Variants in PDE4D observed in about 807,000 individuals in gnomAD.
The protein encoded by PDE4D is 3',5'-cyclic-AMP phosphodiesterase 4D.
In PDE4D, 24 loss-of-function variants were observed where a neutral mutation model predicts 87.4. That is an observed-to-expected ratio of 0.27 (90% CI 0.20 to 0.39). The LOEUF is 0.39. PDE4D is among the 10% of genes least tolerant of loss of function. The pLI, the probability that PDE4D is intolerant of heterozygous loss-of-function variation, is 1.00. For missense variants in PDE4D, 714 were observed against 1,041.0 expected (o/e 0.69, Z 4.32); for synonymous variants, 384 against 383.2 (o/e 1.00, Z -0.02).
intron 1 of PDE4D, among the ~76,000 whole-genome samples, chr5:59,339,909 A>G (rs139169967): frequency 0.011 from 1,672 of 152,266 alleles, 11 homozygotes; most frequent in Non-Finnish European, 0.017. Flanking sequence ...TCCCCTAGAA[A>G]AATTTAGTGG....
intron 3 of PDE4D, among the ~76,000 whole-genome samples, chr5:59,967,776 A>G (rs1015960565): frequency 5.3e-5 from 8 of 152,088 alleles, no homozygotes; most frequent in African/African-American, 1.7e-4. Flanking sequence ...AAATAATTCT[A>G]CTAAAAAGAC....
intron 1 of PDE4D, among the ~76,000 whole-genome samples, chr5:59,879,899 T>C (rs154144): frequency 0.44 from 67,222 of 151,868 alleles, 18,889 homozygotes; most frequent in African/African-American, 0.8. Context: ...CACCACCACG[T>C]CCAGCTAATT....
intron 1 of PDE4D, among the ~76,000 whole-genome samples, chr5:60,499,393 T>G (rs2150244189): frequency 6.6e-6 from 1 of 152,300 alleles, no homozygotes; most frequent in South Asian, 2.1e-4. Context: ...TTTCATGAAC[T>G]TTCATTGAGA....
intron 2 of PDE4D, among the ~76,000 whole-genome samples, chr5:59,205,623 G>A (rs1294922344): frequency 7.0e-6 from 1 of 142,516 alleles, no homozygotes; most frequent in African/African-American, 2.6e-5. Flanking sequence ...CAAGACTCTC[G>A]GTGCTGTCTA....
At chr5:60,363,482 T>A (rs1428511671) in intron 1 of PDE4D, among the ~76,000 whole-genome samples, 2 of 152,208 alleles carry the variant, frequency 1.3e-5, no homozygotes, top group African/African-American at 4.8e-5. Flanking sequence ...CAAATACTTT[T>A]GAGCACTCAC....
intron 5 of PDE4D, among the ~76,000 whole-genome samples, chr5:59,070,985 T>A (rs1344313801): frequency 6.6e-6 from 1 of 152,208 alleles, no homozygotes; most frequent in Non-Finnish European, 1.5e-5. Context: ...CGTTTTCCAG[T>A]AGCTTCCTGA....
intron 6 of PDE4D, among the ~76,000 whole-genome samples, chr5:59,019,599 G>A (rs1339657369): frequency 6.6e-6 from 1 of 151,996 alleles, no homozygotes; most frequent in Admixed American, 6.6e-5. Context: ...ACAATAAAGC[G>A]AATCCACATG....
At chr5:59,008,429 T>C (rs1442698422) in intron 6 of PDE4D, among the ~76,000 whole-genome samples, 1 of 151,996 alleles carries the variant, frequency 6.6e-6, no homozygotes, top group Non-Finnish European at 1.5e-5. Context: ...TTTACACATA[T>C]CACTTTAATA....
chr5:59,985,387 C>T (rs1762356129), intron 3 of PDE4D, among the ~76,000 whole-genome samples: 1 of 151,790 alleles, frequency 6.6e-6, no homozygotes. Context: ...GTGATCTGCC[C>T]GCCTCAGCCT....
At chr5:60,110,544 T>C (rs1290964986) in intron 2 of PDE4D, among the ~76,000 whole-genome samples, 2 of 152,108 alleles carry the variant, frequency 1.3e-5, no homozygotes, top group Non-Finnish European at 2.9e-5. Flanking sequence ...CTTTTATACA[T>C]TGTTGGTGCA....
intron 1 of PDE4D, among the ~76,000 whole-genome samples, chr5:59,576,160 A>G (rs1823109332): frequency 6.6e-6 from 1 of 152,124 alleles, no homozygotes; most frequent in Admixed American, 6.6e-5. Context: ...TCTAAGCACT[A>G]GACTGGTTTT....
intron 1 of PDE4D, among the ~76,000 whole-genome samples, chr5:59,499,918 T>G (rs1342612633): frequency 1.3e-5 from 2 of 150,602 alleles, no homozygotes; most frequent in Non-Finnish European, 3.0e-5. Context: ...GAACTCCTAA[T>G]TCAAAACCAG....
intron 1 of PDE4D, among the ~76,000 whole-genome samples, chr5:59,446,163 C>A (rs1798309950): frequency 6.6e-6 from 1 of 152,032 alleles, no homozygotes. Context: ...ATAACATATA[C>A]AATCTTTTAT....
At chr5:60,407,443 CCTT>C (rs1561217532) in intron 1 of PDE4D, among the ~76,000 whole-genome samples, 2 of 128,674 alleles carry the variant, frequency 1.6e-5, no homozygotes, top group African/African-American at 6.2e-5. Context: ...TTTTCTTTTT[CCTT>C]TTTTTTTTTT....
intron 1 of PDE4D, among the ~76,000 whole-genome samples, chr5:60,508,610 AT>A (rs1338895427): frequency 6.6e-6 from 1 of 152,228 alleles, no homozygotes; most frequent in African/African-American, 2.4e-5. Context: ...TGGCAGTTAC[AT>A]TCTATAAAGT....
intron 1 of PDE4D, among the ~76,000 whole-genome samples, chr5:59,748,319 A>G (rs1025872664): frequency 1.1e-4 from 16 of 152,224 alleles, no homozygotes; most frequent in Non-Finnish European, 1.6e-4. Context: ...CCAAAGGATT[A>G]TAAATCATGC....
At chr5:59,673,799 C>T (rs906800655) in intron 1 of PDE4D, among the ~76,000 whole-genome samples, 6 of 152,184 alleles carry the variant, frequency 3.9e-5, no homozygotes, top group African/African-American at 1.2e-4. Flanking sequence ...CCTGCATGGT[C>T]ATTATTAAAC....
rs148767421 is a variant in PDE4D at position 59,231,545 on chromosome 5, C to T, written c.456-15577G>A. ...TGACTGAGAGCAAGGAGAGCTGCCA[C>T]ATCCTCCTAAACACCATCCTAGAAC... On this transcript the variant is annotated intron_variant, in intron 1 of 14. Transcript: ENST00000340635. Among the ~76,000 whole-genome samples the T allele has an allele frequency of 1.5e-3, 234 of 152,344 alleles. 1 individual carries two copies. The highest frequency in any genetic ancestry group is 5.4e-3 in the African/African-American group (226 of 41,580).
intron 1 of PDE4D, among the ~76,000 whole-genome samples, chr5:59,459,456 C>T (rs1298987995): frequency 1.3e-5 from 2 of 152,062 alleles, no homozygotes; most frequent in African/African-American, 2.4e-5. Flanking sequence ...TGCCTTGAAC[C>T]CTAACTCTGG....
Sources: gnomAD v4.1 joint callset for allele counts (sites outside exome capture counted in the v4.1 genomes callset) on GRCh38, gnomAD v4.1.1 for gene constraint, MANE v1.5 for transcripts, NCBI Gene and HGNC (gene_info 2026-07-23, HGNC 2026-07-21) for gene names.